The following GCG variants were observed in gnomAD, a reference collection of about 807,000 sequenced individuals.
The protein encoded by GCG is glucagon, also known as pro-glucagon.
GCG carries 11 observed loss-of-function variants against 22.8 expected under a neutral mutation model. The ratio of observed to expected loss-of-function variants is 0.48; its 90% CI spans 0.30 to 0.80. The LOEUF is 0.80. Ranked by LOEUF, GCG falls within the 30% of genes least tolerant of loss-of-function variation. The pLI is 0.06. For synonymous variants in GCG, 89 were observed against 72.4 expected, an observed-to-expected ratio of 1.23 and a Z score of -1.16; for missense variants, 222 against 222.0, an observed-to-expected ratio of 1.00 and a Z score of 0.00.
In GCG at chr2:162,147,377, C is replaced by T. The variant is rs1263899443; in HGVS notation, c.230G>A (p.Trp77Ter). The part of the protein sequence containing the change: ...DSRRAQDFVQ[W>*]LMNTKRNRNN... Reference sequence around the variant, plus strand: ...CCTGTTCCTCTTGGTATTCATCAACCACTGCACAAAATCTTGGGCACGCCT... The same window carrying T: ...CCTGTTCCTCTTGGTATTCATCAACTACTGCACAAAATCTTGGGCACGCCT... The change falls in exon 3 of 6, where the codon TGG becomes TAG. Residue 77 changes from tryptophan to a stop codon, truncating the protein, a stop_gained. Transcript: ENST00000418842. LOFTEE classifies it high-confidence loss of function. The T allele has an allele frequency of 1.9e-6, 3 of 1,613,110 alleles. No individual in the cohort carries two copies. In the Admixed American group the frequency reaches 5.0e-5, roughly 27 times the overall value.
intron 4 of GCG, chr2:162,145,005 C>T (rs546785766): frequency 5.9e-5 from 9 of 151,950 alleles, no homozygotes; most frequent in Non-Finnish European, 1.2e-4. Flanking sequence ...CCTATTTGTA[C>T]TTTGAATATC....
In GCG at chr2:162,145,588, G is replaced by C; in HGVS notation, c.344C>G (p.Ala115Gly). Residue 115 changes from alanine to glycine, a missense_variant, in exon 4 of 6, where the codon GCT becomes GGT. Ala to Gly is a moderately conservative substitution (Grantham distance 60). Coordinates refer to ENST00000418842, the MANE Select transcript of GCG (RefSeq NM_002054.5). ...SDVSSYLEGQ[A>G]AKEFIAWLVK... is the part of the protein sequence containing the mutation. Reference sequence around the variant, plus strand: ...CAGCCAAGCAATGAATTCCTTGGCAGCTTGGCCTTCCAAATAAGAACTTAC... The same window carrying C: ...CAGCCAAGCAATGAATTCCTTGGCACCTTGGCCTTCCAAATAAGAACTTAC... 1 of 1,612,100 alleles carries C rather than the reference G, an allele frequency of 6.2e-7. No individual in the cohort carries two copies. Among genetic ancestry groups the C allele is most frequent in the Non-Finnish European group, 8.5e-7 (1 of 1,178,858 alleles).
intron 3 of GCG, among the ~76,000 whole-genome samples, chr2:162,146,801 A>C (rs943398524): frequency 6.6e-6 from 1 of 152,086 alleles, no homozygotes; most frequent in Admixed American, 6.6e-5. Flanking sequence ...AAGAAAATCC[A>C]ACATTAAAAT....
rs560915751 is a variant in GCG, at chr2:162,143,980, A to T, written c.536+47T>A. 2.9e-5 allele frequency: 45 copies of T among 1,542,788 alleles called. No homozygotes were observed. The South Asian group carries it at 4.6e-4, about 16-fold the overall frequency. ...AGCTTGCAGCAGTATGACAATCAGTACTTATGAGAATTTGATGGTTTTCAG... is the reference window on the plus strand; with the variant it reads ...AGCTTGCAGCAGTATGACAATCAGTTCTTATGAGAATTTGATGGTTTTCAG... On this transcript the variant is annotated intron_variant, in intron 5 of 5. Coordinates refer to ENST00000418842, the MANE Select transcript of GCG (RefSeq NM_002054.5).
chr2:162,151,203 A>G (rs965822696), intron 1 of GCG, among the ~76,000 whole-genome samples: 10 of 152,138 alleles, frequency 6.6e-5, no homozygotes, highest in Non-Finnish European at 1.5e-4. Context: ...AAAGGAAAGT[A>G]TGGTAACAAT....
At chr2:162,149,309 A>T in intron 1 of GCG, 122 bp from the exon 2 acceptor site, 2 of 621,788 alleles carry the variant, frequency 3.2e-6, no homozygotes, top group Admixed American at 3.0e-5. Context: ...AGCTAGTGTT[A>T]TCACTTTTAT....
chr2:162,149,037 C>T (rs1686766397), intron 2 of GCG, 50 bp downstream of exon 2: 2 of 1,099,644 alleles, frequency 1.8e-6, no homozygotes, highest in East Asian at 4.7e-5. Flanking sequence ...TTTTCACAGG[C>T]TTTATTCCAA....
intron 3 of GCG, among the ~76,000 whole-genome samples, chr2:162,146,236 T>C (rs888568374): frequency 6.6e-6 from 1 of 152,164 alleles, no homozygotes; most frequent in African/African-American, 2.4e-5. Flanking sequence ...CATCAGCTGC[T>C]GTCAGTCTCC....
chr2:162,149,282 C>T, intron 1 of GCG, 95 bp from the exon 2 acceptor site: 1 of 686,932 alleles, frequency 1.5e-6, no homozygotes, highest in Non-Finnish European at 2.6e-6. Context: ...AGATAAATAT[C>T]ATAAGTAGAA....
intron 2 of GCG, 73 bp from the exon 3 acceptor site, chr2:162,147,587 A>G (rs1224581477): frequency 3.1e-6 from 4 of 1,290,518 alleles, no homozygotes; most frequent in Non-Finnish European, 3.4e-6. Context: ...CATCTTCACT[A>G]CAAAATACAA....
At chr2:162,150,364 T>C (rs1686802960) in intron 1 of GCG, among the ~76,000 whole-genome samples, 1 of 152,194 alleles carries the variant, frequency 6.6e-6, no homozygotes, top group South Asian at 2.1e-4. Flanking sequence ...TTTTAAACTA[T>C]CAATCTTTTC....
At position 162,150,783 on chromosome 2, in the gene GCG, A is replaced by G. The variant is rs533349371; in HGVS notation, c.-10+1375T>C. On this transcript the variant is annotated intron_variant, in intron 1 of 5. Coordinates refer to ENST00000418842, the MANE Select transcript of GCG (RefSeq NM_002054.5). ...ACTGAAAAAAAAATTCATTCCACCCAAAGTCCTAAGCGTTTTGCAATATCT... is the reference window on the plus strand; with the variant it reads ...ACTGAAAAAAAAATTCATTCCACCCGAAGTCCTAAGCGTTTTGCAATATCT... Among the ~76,000 whole-genome samples, 5 of 152,244 alleles carry G rather than the reference A, an allele frequency of 3.3e-5. No homozygotes were observed. In the East Asian group the frequency reaches 9.7e-4, roughly 29 times the overall value.
intron 3 of GCG, among the ~76,000 whole-genome samples, chr2:162,146,755 G>A (rs952614237): frequency 8.6e-5 from 13 of 151,932 alleles, no homozygotes; most frequent in African/African-American, 2.9e-4. Flanking sequence ...ATTTCCTCCA[G>A]TAGCCTAGAT....
chr2:162,143,038 G>T lies in GCG; in HGVS notation c.*326C>A. On this transcript the variant is annotated 3_prime_UTR_variant, in exon 6 of 6. Coordinates refer to ENST00000418842, the MANE Select transcript of GCG (RefSeq NM_002054.5). ...TATTATAATGCAGATATGTCAGATC[G>T]GAATAATTTACATTTACAAATTATA... The T allele has an allele frequency of 4.9e-6, 1 of 206,008 alleles. No homozygotes were observed. Among genetic ancestry groups the T allele is most frequent in the Non-Finnish European group, 9.6e-6 (1 of 103,862 alleles). 12.8% of individuals were successfully genotyped at this position (206,008 alleles called of 1,614,324 possible). A position where few individuals can be genotyped will look rare whatever the true frequency, so the allele number is the denominator to read the frequency against.
At chr2:162,145,929 T>C (rs1179124109) in intron 3 of GCG, among the ~76,000 whole-genome samples, 2 of 152,142 alleles carry the variant, frequency 1.3e-5, no homozygotes, top group Non-Finnish European at 1.5e-5. Flanking sequence ...TGCAATCCCC[T>C]GCTTATGTAT....
intron 2 of GCG, 36 bp from the exon 3 acceptor site, chr2:162,147,550 T>G: frequency 1.3e-6 from 2 of 1,594,962 alleles, no homozygotes; most frequent in Non-Finnish European, 1.7e-6. Flanking sequence ...CATAAATCTC[T>G]CCTCAAGAGT....
intron 4 of GCG, 97 bp from the exon 5 acceptor site, chr2:162,144,267 G>T: frequency 1.0e-6 from 1 of 971,986 alleles, no homozygotes; most frequent in South Asian, 1.4e-5. Flanking sequence ...GTGTCTTGAG[G>T]AAACAGTAAA....
intron 2 of GCG, 143 bp from the exon 3 acceptor site, chr2:162,147,657 C>T (rs1284369989): frequency 5.1e-6 from 4 of 787,228 alleles, no homozygotes; most frequent in African/African-American, 1.7e-5. Context: ...TTAGAAAGAT[C>T]TTCCTTAGCT....
At chr2:162,148,144 T>C (rs1445442340) in intron 2 of GCG, among the ~76,000 whole-genome samples, 2 of 152,150 alleles carry the variant, frequency 1.3e-5, no homozygotes, top group East Asian at 3.8e-4. Context: ...CCTATGAAAT[T>C]AGCAAAGCTT....
Sources: allele counts gnomAD v4.1 joint callset (sites outside exome capture counted in the v4.1 genomes callset), GRCh38; gene constraint gnomAD v4.1.1; transcripts MANE v1.5; gene names NCBI Gene and HGNC (gene_info 2026-07-23, HGNC 2026-07-21).